PRKCZ: variants seen among roughly 807,000 people sequenced by gnomAD.
PRKCZ encodes the protein protein kinase C zeta type.
PRKCZ carries 33 observed loss-of-function variants against 79.5 expected under a neutral mutation model. The ratio of observed to expected loss-of-function variants is 0.41; its 90% CI spans 0.31 to 0.55. PRKCZ has a LOEUF of 0.55. PRKCZ is among the 20% of genes least tolerant of loss of function. PRKCZ has a pLI of 0.19. For missense variants in PRKCZ, 578 were observed against 813.5 expected (o/e 0.71, Z 3.52); for synonymous variants, 342 against 320.9 (o/e 1.07, Z -0.70).
chr1:2,161,964 C>T (rs1682408924), intron 10 of PRKCZ, among the ~76,000 whole-genome samples: 1 of 152,058 alleles, frequency 6.6e-6, no homozygotes, highest in South Asian at 2.1e-4. Flanking sequence ...AAACTTGTAT[C>T]CCATTTTAAC....
At chr1:2,096,369 A>G (rs1666512046) in intron 4 of PRKCZ, among the ~76,000 whole-genome samples, 1 of 149,788 alleles carries the variant, frequency 6.7e-6, no homozygotes, top group Admixed American at 6.7e-5. Flanking sequence ...GGCAGCTGGG[A>G]GCACAGGTGT....
intron 5 of PRKCZ, among the ~76,000 whole-genome samples, chr1:2,136,910 G>A (rs1484566939): frequency 1.3e-5 from 2 of 152,170 alleles, no homozygotes; most frequent in Non-Finnish European, 2.9e-5. Flanking sequence ...ATGAGTCAGG[G>A]TTCTCCAGAG....
chr1:2,144,617 G>A (rs2103120464), intron 6 of PRKCZ: 5 of 1,270,226 alleles, frequency 3.9e-6, no homozygotes, highest in Non-Finnish European at 5.0e-6. Flanking sequence ...CAGTGGGTCG[G>A]AGGTAAGGTT....
At chr1:2,114,878 C>T (rs1490894244) in intron 4 of PRKCZ, among the ~76,000 whole-genome samples, 1 of 152,244 alleles carries the variant, frequency 6.6e-6, no homozygotes, top group African/African-American at 2.4e-5. Flanking sequence ...GCCTGGGTGC[C>T]TCCATTCTCT....
chr1:2,048,909 T>TA (rs1304581605), upstream of PRKCZ, among the ~76,000 whole-genome samples: 1 of 152,178 alleles, frequency 6.6e-6, no homozygotes, highest in Admixed American at 6.5e-5. Context: ...CTCACGCCTG[T>TA]AATCCCAGCA....
Position 2,165,852 on chromosome 1 carries a change from G to A in PRKCZ, c.975-3666G>A, listed in dbSNP as rs1329894982. On this transcript the variant is annotated intron_variant, in intron 10 of 17. Coordinates refer to ENST00000378567, the MANE Select transcript of PRKCZ (RefSeq NM_002744.6). The surrounding 1 kb of genome is among the most constrained non-coding windows in gnomAD (Gnocchi z 4.1). ...TGGGGGGAGTGGCGAGGAGGGGGCG[G>A]CACCAAGGACAGGGCCCACCTCCTA... 4.6e-5 allele frequency among the ~76,000 whole-genome samples: 7 copies of A among 152,216 alleles called. No homozygotes were observed. The highest frequency in any genetic ancestry group is 1.9e-4 in the East Asian group (1 of 5,168).
At chr1:2,085,854 G>A (rs1327605490) in intron 4 of PRKCZ, among the ~76,000 whole-genome samples, 1 of 152,170 alleles carries the variant, frequency 6.6e-6, no homozygotes, top group Non-Finnish European at 1.5e-5. Flanking sequence ...AGGCAGGTCT[G>A]CACTCATGGG....
intron 10 of PRKCZ, among the ~76,000 whole-genome samples, chr1:2,160,555 A>T (rs957350479): frequency 1.3e-5 from 2 of 152,166 alleles, no homozygotes; most frequent in African/African-American, 4.8e-5. Flanking sequence ...TCGAAGCTGG[A>T]CTTGGCCAAG....
At chr1:2,147,546 C>A (rs771853323) in intron 7 of PRKCZ, among the ~76,000 whole-genome samples, 3 of 151,396 alleles carry the variant, frequency 2.0e-5, no homozygotes, top group Non-Finnish European at 3.0e-5. Flanking sequence ...ACCTCTCCAC[C>A]CATCTGTCTG....
At chr1:2,058,306 A>ATTTTTTTTTTTTTTTTTT (rs35722361) in intron 3 of PRKCZ, among the ~76,000 whole-genome samples, 2 of 125,350 alleles carry the variant, frequency 1.6e-5, no homozygotes, top group African/African-American at 3.2e-5. Flanking sequence ...CCCGGCCCCA[A>ATTTTTTTTTTTTTTTTTT]TTTTTTTTTT....
intron 10 of PRKCZ, among the ~76,000 whole-genome samples, chr1:2,160,420 GA>G (rs1682009165): frequency 1.3e-5 from 2 of 152,202 alleles, no homozygotes; most frequent in South Asian, 4.1e-4. Flanking sequence ...ACTCCGTGGA[GA>G]GGGGGGCAGG....
chr1:2,058,146 C>T (rs144251926), intron 3 of PRKCZ, among the ~76,000 whole-genome samples: 145 of 152,220 alleles, frequency 9.5e-4, no homozygotes, highest in African/African-American at 3.4e-3. Flanking sequence ...GGATTACAGG[C>T]GTGAGCCACG....
intron 4 of PRKCZ, among the ~76,000 whole-genome samples, chr1:2,092,348 C>T (rs1262376511): frequency 3.9e-5 from 6 of 152,338 alleles, no homozygotes; most frequent in South Asian, 4.1e-4. Context: ...CTCAGCAGGA[C>T]GGAGTCCGAC....
intron 5 of PRKCZ, among the ~76,000 whole-genome samples, chr1:2,137,047 C>T (rs867553670): frequency 6.6e-6 from 1 of 152,134 alleles, no homozygotes; most frequent in Non-Finnish European, 1.5e-5. Context: ...CCAGCAGTGG[C>T]TCACTCCGAG....
rs969889583 is a variant in PRKCZ, at chr1:2,082,139, C to T, written c.334+22548C>T. 7.1e-5 allele frequency: 23 copies of T among 324,356 alleles called. No homozygotes were observed. The highest frequency in any genetic ancestry group is 4.3e-4 in the African/African-American group (20 of 46,002). 20.1% of individuals were successfully genotyped at this position (324,356 alleles called of 1,614,324 possible). A position where few individuals can be genotyped will look rare whatever the true frequency, so the allele number is the denominator to read the frequency against. On this transcript the variant is annotated intron_variant, in intron 4 of 17. Transcript: ENST00000378567. This position sits in a 1 kb window ranked among gnomAD's most constrained non-coding sequence, Gnocchi z 4.4. The stretch of plus-strand genomic sequence containing the variant: ...TTCCACACGGCCATCCGAGGGCGGA[C>T]GTGGTCAGGGGTGCTGGACGCGTCA...
chr1:2,117,993 T>C (rs1671067516), intron 4 of PRKCZ, among the ~76,000 whole-genome samples: 1 of 101,024 alleles, frequency 9.9e-6, no homozygotes, highest in Admixed American at 1.2e-4. Flanking sequence ...ATTAGCCTAT[T>C]ATTTCTTTTT....
chr1:2,073,129 G>T (rs745436995), intron 4 of PRKCZ, among the ~76,000 whole-genome samples: 2 of 152,058 alleles, frequency 1.3e-5, no homozygotes, highest in African/African-American at 4.8e-5. Flanking sequence ...AGCACAGCCC[G>T]TGAGGTCTGG....
At chr1:2,077,227 G>A (rs1662599165) in intron 4 of PRKCZ, among the ~76,000 whole-genome samples, 1 of 152,222 alleles carries the variant, frequency 6.6e-6, no homozygotes, top group African/African-American at 2.4e-5. Context: ...TGGGTGGAAG[G>A]GGCCCTGACT....
At chr1:2,183,377 G>C (rs1687019523) in intron 16 of PRKCZ, among the ~76,000 whole-genome samples, 1 of 152,142 alleles carries the variant, frequency 6.6e-6, no homozygotes, top group South Asian at 2.1e-4. Context: ...CTGGGCAACA[G>C]AGCAAGACTC....
Sources: allele counts gnomAD v4.1 joint callset (sites outside exome capture counted in the v4.1 genomes callset), GRCh38; gene constraint gnomAD v4.1.1; non-coding constraint Gnocchi (gnomAD v3.1); transcripts MANE v1.5; gene names NCBI Gene and HGNC (gene_info 2026-07-23, HGNC 2026-07-21).